MDH1B: variants seen among roughly 807,000 people sequenced by gnomAD.
MDH1B encodes the protein malate dehydrogenase 1B, also known as putative malate dehydrogenase 1B.
In MDH1B, 60 loss-of-function variants were observed where a neutral mutation model predicts 61.4. That is an observed-to-expected ratio of 0.98 (90% CI 0.79 to 1.21). The LOEUF (loss-of-function observed/expected upper bound fraction) is 1.21. MDH1B is among the 50% of genes most tolerant of loss of function. The pLI is 0.00. For missense variants in MDH1B, 587 were observed against 632.1 expected (o/e 0.93, Z 0.76); for synonymous variants, 236 against 218.7 (o/e 1.08, Z -0.70).
Position 206,746,219 on chromosome 2 carries a change from CT to C in MDH1B, c.1356+67del, listed in dbSNP as rs1688101786. 5.1e-6 allele frequency: 7 copies of C among 1,361,330 alleles called. No homozygotes were observed. The South Asian group carries it at 1.2e-4, about 23-fold the overall frequency. 84.3% of individuals were successfully genotyped at this position (1,361,330 alleles called of 1,614,324 possible). ...AATCCATAGAAAAACCAATGTATGC[CT>C]TGGCCTAGGAGAATCAGTTTAAGGT... On this transcript the variant is annotated intron_variant, in intron 8 of 11. Transcript: ENST00000374412.
chr2:206,749,997 G>C (rs181713554), intron 6 of MDH1B, among the ~76,000 whole-genome samples: 1 of 152,150 alleles, frequency 6.6e-6, no homozygotes, highest in African/African-American at 2.4e-5. Flanking sequence ...AACCCTGCAC[G>C]ACACAGCTCT....
At chr2:206,740,902 C>T (rs1012654878) in intron 10 of MDH1B, 152 bp downstream of exon 10, 1 of 1,050,804 alleles carries the variant, frequency 9.5e-7, no homozygotes. Context: ...CATTTTTATG[C>T]CCATTTCAAA....
intron 9 of MDH1B, among the ~76,000 whole-genome samples, chr2:206,744,569 G>T (rs1173853558): frequency 6.6e-6 from 1 of 152,058 alleles, no homozygotes; most frequent in Non-Finnish European, 1.5e-5. Flanking sequence ...AAATTTGTTG[G>T]CTTTTAATAA....
intron 8 of MDH1B, 115 bp from the exon 9 acceptor site, chr2:206,745,788 C>T (rs1339101747): frequency 1.8e-5 from 13 of 711,444 alleles, no homozygotes; most frequent in Non-Finnish European, 2.5e-5. Flanking sequence ...GGCTGGAGTG[C>T]AGTGGCGCAA....
At chr2:206,756,750 T>G (rs1476323794) in intron 4 of MDH1B, 148 bp downstream of exon 4, 4 of 699,584 alleles carry the variant, frequency 5.7e-6, no homozygotes, top group Non-Finnish European at 9.5e-6. Context: ...GAGATGCATA[T>G]GTATATGTGT....
At chr2:206,745,729 TC>T (rs1245719191) in intron 8 of MDH1B, 56 bp from the exon 9 acceptor site, 306 of 1,068,168 alleles carry the variant, frequency 2.9e-4, no homozygotes, top group Non-Finnish European at 3.6e-4. Flanking sequence ...ACTTAATTCT[TC>T]TTTTTTTTTT....
chr2:206,744,589 A>C (rs1687989280), intron 9 of MDH1B, among the ~76,000 whole-genome samples: 1 of 152,152 alleles, frequency 6.6e-6, no homozygotes, highest in Non-Finnish European at 1.5e-5. Flanking sequence ...AAGTTATCTA[A>C]AAATAAATCT....
At chr2:206,753,147 A>T (rs112073315) in intron 5 of MDH1B, among the ~76,000 whole-genome samples, 3,180 of 152,262 alleles carry the variant, frequency 0.021, 57 homozygotes, top group East Asian at 0.058. Context: ...CAGAGAGCAG[A>T]GCAGAGGGAT....
Position 206,755,250 on chromosome 2 carries a change from G to C in MDH1B, c.669C>G (p.Phe223Leu), listed in dbSNP as rs368782495. The part of the protein sequence containing the change: ...VLDDSTNKEV[F>L]TLEDCLRSRV... ...TGCTTCGGAGGCAGTCCTCCAGAGT[G>C]AACACCTCCTTGTTGGTGCTGTCAT... is the stretch of plus-strand genomic sequence containing the variant. The change falls in exon 5 of 12, where the codon TTC (phenylalanine) becomes TTG (leucine). Residue 223 changes from phenylalanine (F) to leucine (L), a missense_variant. Transcript: ENST00000374412. The C allele has an allele frequency of 3.7e-6, 6 of 1,614,156 alleles. No homozygotes were observed. The highest frequency in any genetic ancestry group is 1.3e-5 in the African/African-American group (1 of 75,042).
At chr2:206,748,605 T>C (rs1293668223) in intron 7 of MDH1B, among the ~76,000 whole-genome samples, 1 of 152,200 alleles carries the variant, frequency 6.6e-6, no homozygotes, top group Non-Finnish European at 1.5e-5. Flanking sequence ...CACACTTGTC[T>C]TCCAGGTCAA....
intron 4 of MDH1B, 176 bp downstream of exon 4, chr2:206,756,722 T>C (rs1688780569): frequency 3.2e-6 from 2 of 633,756 alleles, no homozygotes; most frequent in Non-Finnish European, 5.4e-6. Flanking sequence ...ATATGGAGGA[T>C]ACAAACACAC....
intron 9 of MDH1B, among the ~76,000 whole-genome samples, chr2:206,741,651 T>C (rs528454290): frequency 2.0e-4 from 31 of 152,300 alleles, no homozygotes; most frequent in South Asian, 1.2e-3. Flanking sequence ...AGACAGCCCA[T>C]TGTGGGACCC....
Position 206,738,509 on chromosome 2 carries a change from A to ATT in MDH1B, c.1529_1530dup (p.Phe511AsnfsTer21), listed in dbSNP as rs1257997707. The ATT allele has an allele frequency of 6.3e-7, 1 of 1,584,790 alleles. No homozygotes were observed. Among genetic ancestry groups the ATT allele is most frequent in the African/African-American group, 1.4e-5 (1 of 73,496 alleles). ...TAGGATTCCACGGTTTTGCCTTCAA[A>ATT]TTCTGTAAAAGGAAAAGAATGAAAA... On this transcript the variant is annotated frameshift_variant and splice_region_variant, in exon 12 of 12. Transcript: ENST00000374412. LOFTEE classifies it low-confidence loss of function (END_TRUNC).
rs1287660577 is a variant in MDH1B at position 206,749,197 on chromosome 2, A to C, written c.1053-14T>G. 6.2e-7 allele frequency: 1 copy of C among 1,612,474 alleles called. No homozygotes were observed. The highest frequency in any genetic ancestry group is 8.5e-7 in the Non-Finnish European group (1 of 1,179,096). On this transcript the variant is annotated splice_polypyrimidine_tract_variant and intron_variant, in intron 6 of 11. Transcript: ENST00000374412. ...TTTACCCACTCACTGTAAGGAGAGA[A>C]AGAAACAATTTTACAATGGAGAGAG...
rs995720852 is a variant in MDH1B, at chr2:206,746,349, C to T, written c.1294G>A (p.Asp432Asn). The change falls in exon 8 of 12, where the codon GAT becomes AAT. Residue 432 changes from aspartate (D) to asparagine (N), a missense_variant. Transcript: ENST00000374412. The part of the protein sequence containing the change: ...FENGTWVVLT[D>N]LKDVEISEQI... ...TCACTTATTTCAACATCTTTGAGAT[C>T]TGTAAGAACCACCCAAGTTCCATTC... 18 of 1,613,800 alleles carry T rather than the reference C, an allele frequency of 1.1e-5. No individual in the cohort carries two copies. The Admixed American group carries it at 2.7e-4, about 24-fold the overall frequency.
intron 1 of MDH1B, among the ~76,000 whole-genome samples, 179 bp downstream of exon 1, chr2:206,765,071 T>A (rs16838834): frequency 0.23 from 35,494 of 152,156 alleles, 5,165 homozygotes; most frequent in East Asian, 0.71. Flanking sequence ...TTTCCCTCCA[T>A]TGCATCCCCA....
intron 5 of MDH1B, among the ~76,000 whole-genome samples, chr2:206,753,877 C>T (rs1688594004): frequency 6.6e-6 from 1 of 151,914 alleles, no homozygotes; most frequent in Non-Finnish European, 1.5e-5. Context: ...CCCTCAACCC[C>T]ACACCCCACC....
At position 206,750,986 on chromosome 2, in the gene MDH1B, T is replaced by C. The variant is rs776018398; in HGVS notation, c.1000A>G (p.Ile334Val). 1 of 1,612,060 alleles carries C rather than the reference T, an allele frequency of 6.2e-7. No homozygotes were observed. The highest frequency in any genetic ancestry group is 1.7e-5 in the Admixed American group (1 of 59,894). The change falls in exon 6 of 12, where the codon ATT becomes GTT. Residue 334 changes from isoleucine to valine, a missense_variant. Coordinates refer to ENST00000374412, the MANE Select transcript of MDH1B (RefSeq NM_001039845.3). ...CGTGAATAATGAAGAGGTCCCCAAATGGCACTCTCATATCTGTACACCCTT... is the reference window on the plus strand; with the variant it reads ...CGTGAATAATGAAGAGGTCCCCAAACGGCACTCTCATATCTGTACACCCTT... ...KTRVYRYESA[I>V]WGPLHYSRPV...
chr2:206,756,870 C>T, intron 4 of MDH1B, 28 bp downstream of exon 4: 1 of 1,610,454 alleles, frequency 6.2e-7, no homozygotes, highest in Non-Finnish European at 8.5e-7. Context: ...AAGTAAATCT[C>T]ATGAATCCTG....
Sources: allele counts gnomAD v4.1 joint callset (sites outside exome capture counted in the v4.1 genomes callset), GRCh38; gene constraint gnomAD v4.1.1; transcripts MANE v1.5; gene names NCBI Gene and HGNC (gene_info 2026-07-23, HGNC 2026-07-21).